Variants in SLC9A6 observed in about 807,000 individuals in gnomAD.
SLC9A6 encodes the protein solute carrier family 9 member A6, also known as sodium/hydrogen exchanger 6.
SLC9A6 carries 6 observed loss-of-function variants against 45.3 expected under a neutral mutation model. The observed-to-expected ratio is 0.13, with a 90% CI of 0.07 to 0.26. The LOEUF is 0.26. Among genes scored for constraint, SLC9A6 ranks in the 10% least tolerant of loss-of-function variants. SLC9A6 has a pLI of 1.00. For synonymous variants in SLC9A6, 191 were observed against 187.7 expected, an observed-to-expected ratio of 1.02 and a Z score of -0.14; for missense variants, 278 against 503.7, an observed-to-expected ratio of 0.55 and a Z score of 4.29.
At chrX:135,989,902 T>C (rs2089402416) in intron 2 of SLC9A6, among the ~76,000 whole-genome samples, 1 of 111,041 alleles carries the variant, frequency 9.0e-6, no homozygotes, top group South Asian at 3.9e-4. Flanking sequence ...TGTGGTTGTG[T>C]TTTTTTTGTT....
chrX:135,997,429 A>T (rs1160157665), intron 3 of SLC9A6, among the ~76,000 whole-genome samples: 2 of 71,904 alleles, frequency 2.8e-5, no homozygotes, highest in African/African-American at 1.2e-4. Context: ...TTTTTTTGAG[A>T]CAAAGTCTCA....
At chrX:135,976,997 G>A (rs1440679596) in intron 1 of SLC9A6, among the ~76,000 whole-genome samples, 1 of 112,042 alleles carries the variant, frequency 8.9e-6, no homozygotes, top group African/African-American at 3.2e-5. Context: ...CCAACCTGAA[G>A]GGAAGCCAAG....
chrX:136,002,762 T>G (rs2089601039), intron 7 of SLC9A6, among the ~76,000 whole-genome samples: 2 of 110,096 alleles, frequency 1.8e-5, no homozygotes, highest in Non-Finnish European at 3.8e-5. Flanking sequence ...GTTTTCACCA[T>G]GTTGCCCAGG....
chrX:136,020,517 TG>T (rs2071104788), intron 11 of SLC9A6, among the ~76,000 whole-genome samples: 2 of 111,004 alleles, frequency 1.8e-5, no homozygotes, highest in African/African-American at 6.6e-5. Flanking sequence ...ATTACAGGCA[TG>T]CGCCACCACG....
chrX:136,030,393 G>A (rs1313638833), intron 15 of SLC9A6: 1 of 416,742 alleles, frequency 2.4e-6, no homozygotes, highest in African/African-American at 2.5e-5. Context: ...CATGTCTCTG[G>A]GCCATCCTGC....
At chrX:136,038,463 T>C (rs782529236) in intron 16 of SLC9A6, among the ~76,000 whole-genome samples, 10 of 112,168 alleles carry the variant, frequency 8.9e-5, no homozygotes, top group Admixed American at 5.7e-4. Flanking sequence ...CATCTGATTT[T>C]TGTGTCTATT....
chrX:135,996,933 A>AT (rs1341431115), intron 3 of SLC9A6, among the ~76,000 whole-genome samples: 2 of 108,242 alleles, frequency 1.8e-5, no homozygotes, highest in African/African-American at 6.8e-5. Context: ...CGCCCGGCTA[A>AT]TTTTTTGTAT....
At chrX:135,989,904 T>TTTTTTG (rs1161747213) in intron 2 of SLC9A6, among the ~76,000 whole-genome samples, 4 of 111,320 alleles carry the variant, frequency 3.6e-5, no homozygotes, top group Non-Finnish European at 7.6e-5. Flanking sequence ...TGGTTGTGTT[T>TTTTTTG]TTTTTGTTTT....
At chrX:136,009,029 A>G (rs1556618315) in intron 7 of SLC9A6, among the ~76,000 whole-genome samples, 1 of 112,172 alleles carries the variant, frequency 8.9e-6, no homozygotes, top group African/African-American at 3.2e-5. Context: ...TGTTCCAGAG[A>G]GCATTTTGAA....
intron 11 of SLC9A6, among the ~76,000 whole-genome samples, chrX:136,020,788 T>C (rs782225732): frequency 2.0e-4 from 23 of 112,238 alleles, no homozygotes; most frequent in African/African-American, 7.4e-4. Context: ...AGAGCTCTTT[T>C]GGCAGGCTCT....
chrX:135,996,314 G>A (rs1182243021), intron 3 of SLC9A6, among the ~76,000 whole-genome samples: 3 of 110,899 alleles, frequency 2.7e-5, no homozygotes, highest in Non-Finnish European at 5.7e-5. Flanking sequence ...GTACAGGCAG[G>A]ACTTGATTTT....
chrX:136,012,630 AGGT>A (rs1450532300), intron 8 of SLC9A6, among the ~76,000 whole-genome samples: 1 of 112,522 alleles, frequency 8.9e-6, no homozygotes, highest in Non-Finnish European at 1.9e-5. Context: ...AGATTAATAG[AGGT>A]GGCATGTTAT....
intron 2 of SLC9A6, among the ~76,000 whole-genome samples, chrX:135,986,514 A>G (rs1209870682): frequency 2.7e-5 from 3 of 111,393 alleles, no homozygotes; most frequent in African/African-American, 9.8e-5. Context: ...AAAAGTGAGG[A>G]CGAGGAAGAG....
upstream of SLC9A6, among the ~76,000 whole-genome samples, chrX:135,984,452 T>C (rs781933378): frequency 8.9e-6 from 1 of 111,742 alleles, no homozygotes; most frequent in South Asian, 3.7e-4. Flanking sequence ...ATCATTCATG[T>C]TGAAATCAAA....
chrX:136,024,466 G>A lies in SLC9A6; in HGVS notation c.1443G>A (p.Leu481=). The change falls in exon 13 of 18, where the codon CTG becomes CTA. Residue 481 remains leucine, a synonymous_variant. Coordinates refer to ENST00000630721, the MANE Select transcript of SLC9A6 (RefSeq NM_001379110.1). ...TTGGTGGTGGCACCACTGCAATGCT[G>A]TCATGCTTGCATATCAGGTAAGTAC... The part of the protein sequence containing the change: ...WVFGGGTTAM[L]SCLHIRYCAR... 8.3e-7 allele frequency: 1 copy of A among 1,209,979 alleles called. No individual in the cohort carries two copies. Among genetic ancestry groups the A allele is most frequent in the Non-Finnish European group, 1.1e-6 (1 of 894,114 alleles).
chrX:136,032,289 C>G (rs2071339604), intron 15 of SLC9A6, among the ~76,000 whole-genome samples: 1 of 112,087 alleles, frequency 8.9e-6, no homozygotes, highest in South Asian at 3.7e-4. Flanking sequence ...TCAGGCTGGA[C>G]TCGAACTCCT....
chrX:135,994,174 G>A (rs1184043979), intron 2 of SLC9A6, among the ~76,000 whole-genome samples: 1 of 106,299 alleles, frequency 9.4e-6, no homozygotes, highest in Non-Finnish European at 1.9e-5. Flanking sequence ...GCATGATCTC[G>A]GCTCACTGCA....
chrX:136,020,260 A>G (rs1005525751), intron 11 of SLC9A6, among the ~76,000 whole-genome samples: 1 of 111,716 alleles, frequency 9.0e-6, no homozygotes, highest in African/African-American at 3.3e-5. Context: ...CTCCTTGAGG[A>G]CAGAGTATCA....
Position 136,022,748 on chromosome X carries a change from C to T in SLC9A6, c.1306+51C>T, listed in dbSNP as rs782260409. On this transcript the variant is annotated intron_variant, in intron 12 of 17. Transcript: ENST00000630721. ...CCACTTCAAGCAACCATTCACAATG[C>T]GTGTGCCAGCTTGATGTAACACTGA... is the stretch of plus-strand genomic sequence containing the variant. 7.1e-5 allele frequency: 51 copies of T among 717,465 alleles called. No homozygotes were observed. In the East Asian group the frequency reaches 1.1e-3, roughly 16 times the overall value. The allele number at this position is 717,465 out of a possible 1,213,427, so 59.1% of individuals were successfully genotyped here. A position where few individuals can be genotyped will look rare whatever the true frequency, so the allele number is the denominator to read the frequency against.
Sources: gnomAD v4.1 joint callset for allele counts (sites outside exome capture counted in the v4.1 genomes callset) on GRCh38, gnomAD v4.1.1 for gene constraint, MANE v1.5 for transcripts, NCBI Gene and HGNC (gene_info 2026-07-23, HGNC 2026-07-21) for gene names.